OTOF: variants seen among roughly 807,000 people sequenced by gnomAD.
OTOF encodes the protein otoferlin, also known as fer-1-like family member 2.
Under a neutral mutation model 236.8 loss-of-function variants are expected in OTOF, and 218 were observed. The ratio of observed to expected loss-of-function variants is 0.92; its 90% CI spans 0.82 to 1.03. The LOEUF is 1.03. Among genes scored for constraint, OTOF ranks in the 50% least tolerant of loss-of-function variants. OTOF has a pLI of 0.00. For missense variants in OTOF, 2,590 were observed against 2,694.4 expected (o/e 0.96, Z 0.86); for synonymous variants, 1,041 against 1,072.5 (o/e 0.97, Z 0.57).
chr2:26,542,425 A>C (rs1667232076), intron 1 of OTOF, among the ~76,000 whole-genome samples: 2 of 152,238 alleles, frequency 1.3e-5, no homozygotes, highest in African/African-American at 2.4e-5. Context: ...CAGACATGGA[A>C]AATTCTGCCG....
chr2:26,527,519 T>C (rs1666838059), intron 3 of OTOF, among the ~76,000 whole-genome samples: 2 of 152,038 alleles, frequency 1.3e-5, no homozygotes, highest in East Asian at 1.9e-4. Flanking sequence ...CAGCGTGGCA[T>C]TGAGGGAGAC....
At position 26,461,172 on chromosome 2, in the gene OTOF, G is replaced by T; in HGVS notation, c.5534-142C>A. The T allele has an allele frequency of 1.3e-6, 1 of 779,356 alleles. No individual in the cohort carries two copies. The highest frequency in any genetic ancestry group is 2.7e-5 in the East Asian group (1 of 37,220). The allele number at this position is 779,356 out of a possible 1,614,324, so 48.3% of individuals were successfully genotyped here. On this transcript the variant is annotated intron_variant, in intron 43 of 46. Transcript: ENST00000272371. This position sits in a 1 kb window ranked among gnomAD's most constrained non-coding sequence, Gnocchi z 6.2. ...ATCTCATCCTCCTGCCTCACTCCCA[G>T]CAACTGGCCTCAATGCAGGCATCCT...
Position 26,467,366 on chromosome 2 carries a change from T to C in OTOF, c.4226A>G (p.Lys1409Arg), listed in dbSNP as rs1664782299. ...AAGGGTCTGCTCCTAGGCTCTCACC[T>C]TAAGCTCATCAATCTTGGGTTTCTT... ...EKKKPKIDEL[K>R]VYPKELESEF... Residue 1409 changes from lysine to arginine, a missense_variant and splice_region_variant, in exon 34 of 47, where the codon AAG (lysine) becomes AGG (arginine). Around this residue, in one of 2 missense-constraint regions of OTOF, gnomAD observed 1,211 missense variants for 1,352.8 expected, o/e 0.90. Transcript: ENST00000272371. 2 of 1,613,726 alleles carry C rather than the reference T, an allele frequency of 1.2e-6. No homozygotes were observed. Among genetic ancestry groups the C allele is most frequent in the Non-Finnish European group, 8.5e-7 (1 of 1,179,968 alleles).
chr2:26,527,738 C>T, intron 3 of OTOF, 94 bp downstream of exon 3: 1 of 907,022 alleles, frequency 1.1e-6, no homozygotes, highest in Non-Finnish European at 1.9e-6. Context: ...AGTGTAGGTC[C>T]CCTTTTTAAG....
intron 25 of OTOF, 112 bp downstream of exon 25, chr2:26,475,247 C>T: frequency 8.1e-7 from 1 of 1,232,932 alleles, no homozygotes; most frequent in Non-Finnish European, 1.2e-6. Context: ...GGCCAAGGAG[C>T]TCTGCAGGTG....
chr2:26,482,270 G>A (rs1382092257), intron 14 of OTOF, 136 bp downstream of exon 14: 1 of 832,394 alleles, frequency 1.2e-6, no homozygotes, highest in African/African-American at 1.7e-5. Context: ...AGGGGCTGCT[G>A]GCAAGGCCCT....
intron 8 of OTOF, among the ~76,000 whole-genome samples, chr2:26,501,121 T>A (rs550277928): frequency 2.0e-5 from 3 of 152,180 alleles, no homozygotes; most frequent in African/African-American, 7.2e-5. Context: ...AGAGATGGTG[T>A]CCCAGCAGCC....
chr2:26,529,910 C>T (rs992541486), intron 2 of OTOF, among the ~76,000 whole-genome samples: 1 of 152,196 alleles, frequency 6.6e-6, no homozygotes, highest in African/African-American at 2.4e-5. Context: ...GCCCGGCCCA[C>T]AGGCCTCATT....
At chr2:26,543,475 G>T (rs1667255497) in intron 1 of OTOF, among the ~76,000 whole-genome samples, 1 of 152,202 alleles carries the variant, frequency 6.6e-6, no homozygotes, top group Admixed American at 6.5e-5. Context: ...ACAAGCACGA[G>T]GGGGCATGGG....
chr2:26,480,074 C>A, intron 16 of OTOF, 129 bp downstream of exon 16: 3 of 711,218 alleles, frequency 4.2e-6, no homozygotes, highest in Non-Finnish European at 7.7e-6. Flanking sequence ...AAGGGGTCAA[C>A]GTTCCCTACA....
intron 2 of OTOF, among the ~76,000 whole-genome samples, chr2:26,531,919 C>T (rs1279480785): frequency 6.6e-6 from 1 of 151,874 alleles, no homozygotes; most frequent in Non-Finnish European, 1.5e-5. Context: ...CATGGTGAAA[C>T]ACGGTCTCTA....
rs1665368433 is a variant in OTOF, at chr2:26,477,477, T to C, written c.2345A>G (p.Gln782Arg). 2 of 1,603,836 alleles carry C rather than the reference T, an allele frequency of 1.2e-6. No homozygotes were observed. The highest frequency in any genetic ancestry group is 2.2e-5 in the East Asian group (1 of 44,524). The change falls in exon 20 of 47, where the codon CAG (glutamine) becomes CGG (arginine). Residue 782 changes from glutamine (Q) to arginine (R), a missense_variant. Physicochemically the swap from Gln to Arg is conservative, Grantham distance 43. Around this residue, in one of 2 missense-constraint regions of OTOF, gnomAD observed 1,379 missense variants for 1,341.6 expected, o/e 1.03. Transcript: ENST00000272371. This position sits in a 1 kb window ranked among gnomAD's most constrained non-coding sequence, Gnocchi z 4.7. ...CRFLSLADKD[Q>R]GHSSRTRLDR... is the part of the protein sequence containing the mutation. The stretch of plus-strand genomic sequence containing the variant: ...AAGCCTGGTGCGGGATGAGTGGCCC[T>C]GGTCCTTGTCAGCGAGGGAGAGGAA...
chr2:26,530,582 T>A (rs1322730719), intron 2 of OTOF, among the ~76,000 whole-genome samples: 1 of 152,182 alleles, frequency 6.6e-6, no homozygotes, highest in Non-Finnish European at 1.5e-5. Context: ...GTTTCCTTTC[T>A]TTCCTCCCCT....
intron 5 of OTOF, among the ~76,000 whole-genome samples, chr2:26,515,942 G>A (rs1666512960): frequency 6.6e-6 from 1 of 152,244 alleles, no homozygotes; most frequent in Non-Finnish European, 1.5e-5. Context: ...TCAAGAGGAA[G>A]AAAGGCCAGG....
At position 26,470,539 on chromosome 2, in the gene OTOF, G is replaced by C. The variant is rs1486413204; in HGVS notation, c.4023+54C>G. 2.6e-6 allele frequency: 4 copies of C among 1,567,186 alleles called. No homozygotes were observed. The highest frequency in any genetic ancestry group is 3.5e-6 in the Non-Finnish European group (4 of 1,137,666). On this transcript the variant is annotated intron_variant, in intron 32 of 46. Coordinates refer to ENST00000272371, the MANE Select transcript of OTOF (RefSeq NM_194248.3). The surrounding 1 kb of genome is among the most constrained non-coding windows in gnomAD (Gnocchi z 4.3). ...GGGGCCGTGGGAAAGAAGCTGGACA[G>C]GAGGGTCTGAGTGTGGAGGGGGTCA...
Position 26,471,167 on chromosome 2 carries a change from G to A in OTOF, c.3865-17C>T. On this transcript the variant is annotated splice_polypyrimidine_tract_variant and intron_variant, in intron 30 of 46. Coordinates refer to ENST00000272371, the MANE Select transcript of OTOF (RefSeq NM_194248.3). ...TTCAGAAGTCTGCAGAGGAACCAAG[G>A]AGACAGGGGCAGAATCAGCCACTGG... 1 of 1,614,076 alleles carries A rather than the reference G, an allele frequency of 6.2e-7. No individual in the cohort carries two copies. The highest frequency in any genetic ancestry group is 8.5e-7 in the Non-Finnish European group (1 of 1,179,978).
At chr2:26,538,762 AT>A (rs545528631) in intron 1 of OTOF, among the ~76,000 whole-genome samples, 2 of 151,450 alleles carry the variant, frequency 1.3e-5, no homozygotes, top group Non-Finnish European at 2.9e-5. Flanking sequence ...CAGGTAGCTG[AT>A]GGTCTAGAAG....
intron 1 of OTOF, among the ~76,000 whole-genome samples, chr2:26,544,171 T>C (rs1043815065): frequency 1.3e-5 from 2 of 152,278 alleles, no homozygotes; most frequent in African/African-American, 4.8e-5. Context: ...TTAGGTATTT[T>C]AGATGTGAGT....
intron 1 of OTOF, among the ~76,000 whole-genome samples, chr2:26,550,748 G>A (rs756067053): frequency 6.4e-4 from 98 of 152,086 alleles, no homozygotes; most frequent in Non-Finnish European, 9.7e-4. Context: ...TCAGCCCTCC[G>A]CCTGCCCCGG....
Sources: allele counts gnomAD v4.1 joint callset (sites outside exome capture counted in the v4.1 genomes callset), GRCh38; gene constraint gnomAD v4.1.1; regional missense constraint gnomAD v4.1.1; non-coding constraint Gnocchi (gnomAD v3.1); transcripts MANE v1.5; gene names NCBI Gene and HGNC (gene_info 2026-07-23, HGNC 2026-07-21).